NTRK3: variants seen among roughly 807,000 people sequenced by gnomAD.
The protein encoded by NTRK3 is neurotrophic receptor tyrosine kinase 3.
A neutral mutation model predicts 91.7 loss-of-function variants in NTRK3; 24 were observed. That is an observed-to-expected ratio of 0.26 (90% CI 0.19 to 0.37). The LOEUF (loss-of-function observed/expected upper bound fraction) is 0.37. Among genes scored for constraint, NTRK3 ranks in the 10% least tolerant of loss-of-function variants. NTRK3 has a pLI of 1.00. For missense variants in NTRK3, 880 were observed against 1,068.9 expected (o/e 0.82, Z 2.46); for synonymous variants, 483 against 404.0 (o/e 1.20, Z -2.34).
intron 5 of NTRK3, among the ~76,000 whole-genome samples, chr15:88,152,562 T>C (rs1187683261): frequency 6.6e-6 from 1 of 152,228 alleles, no homozygotes; most frequent in Non-Finnish European, 1.5e-5. Flanking sequence ...AATGACACTT[T>C]GATCTTAGGC....
exon 19 of NTRK3, chr15:87,877,108 T>C: frequency 6.2e-7 from 1 of 1,614,058 alleles, no homozygotes; most frequent in Non-Finnish European, 8.5e-7. Context: ...CCTTGGGTAA[T>C]GCACTCAATG....
At chr15:87,960,316 A>G (rs943725028) in intron 14 of NTRK3, among the ~76,000 whole-genome samples, 5 of 152,110 alleles carry the variant, frequency 3.3e-5, no homozygotes, top group Non-Finnish European at 5.9e-5. Context: ...ATCTTACATG[A>G]ATTAATAACT....
chr15:87,994,150 C>T (rs1053085406), intron 14 of NTRK3, among the ~76,000 whole-genome samples: 6 of 152,026 alleles, frequency 3.9e-5, no homozygotes, highest in African/African-American at 1.4e-4. Flanking sequence ...GAAAAATGGT[C>T]ACCAGGCAGA....
At chr15:88,130,022 A>T (rs1181841474) in intron 10 of NTRK3, among the ~76,000 whole-genome samples, 3 of 152,194 alleles carry the variant, frequency 2.0e-5, no homozygotes, top group Non-Finnish European at 2.9e-5. Context: ...CAAAGAGAAC[A>T]CTGCCATCTG....
At chr15:88,218,083 G>A (rs559209791) in intron 3 of NTRK3, among the ~76,000 whole-genome samples, 1 of 152,214 alleles carries the variant, frequency 6.6e-6, no homozygotes, top group South Asian at 2.1e-4. Context: ...CACTGTGGGG[G>A]CCCAGAACAT....
At chr15:88,124,056 C>T (rs1009790988) in intron 13 of NTRK3, among the ~76,000 whole-genome samples, 2 of 152,080 alleles carry the variant, frequency 1.3e-5, no homozygotes, top group African/African-American at 4.8e-5. Flanking sequence ...GGTTGGGGGG[C>T]TTAGAATTTT....
At chr15:88,007,691 C>T (rs1291860067) in intron 14 of NTRK3, among the ~76,000 whole-genome samples, 1 of 152,194 alleles carries the variant, frequency 6.6e-6, no homozygotes, top group African/African-American at 2.4e-5. Flanking sequence ...TGAAATTCTA[C>T]CACCAGAGAT....
In NTRK3 at chr15:87,864,276, C is replaced by G. The variant is rs1372260133; in HGVS notation, c.*12659G>C. ...TAACATGAGTCATTTTCTGTTGCCT[C>G]CACATCTGATAGAATTGGAGGAGCC... is the stretch of plus-strand genomic sequence containing the variant. On this transcript the variant is annotated 3_prime_UTR_variant, in exon 19 of 19. Transcript: ENST00000394480. 3 of 232,150 alleles carry G rather than the reference C, an allele frequency of 1.3e-5. No individual in the cohort carries two copies. The Admixed American group carries it at 1.7e-4, about 13-fold the overall frequency. 14.4% of individuals were successfully genotyped at this position (232,150 alleles called of 1,614,324 possible).
intron 14 of NTRK3, among the ~76,000 whole-genome samples, chr15:88,031,410 T>A (rs889737489): frequency 3.9e-5 from 6 of 152,278 alleles, no homozygotes; most frequent in African/African-American, 1.4e-4. Flanking sequence ...CCATAGAAGG[T>A]CCTTCCTCCC....
chr15:88,038,615 G>C (rs1567272455), intron 13 of NTRK3, among the ~76,000 whole-genome samples: 1 of 152,300 alleles, frequency 6.6e-6, no homozygotes, highest in South Asian at 2.1e-4. Context: ...GATCATGAGG[G>C]AGGCTGTGCA....
intron 5 of NTRK3, among the ~76,000 whole-genome samples, chr15:88,166,534 G>A (rs998369925): frequency 6.6e-6 from 1 of 152,236 alleles, no homozygotes; most frequent in African/African-American, 2.4e-5. Flanking sequence ...GAAAGGGAGG[G>A]CTCCCTGGGC....
chr15:87,985,613 C>T (rs902617919), intron 14 of NTRK3, among the ~76,000 whole-genome samples: 12 of 152,094 alleles, frequency 7.9e-5, no homozygotes, highest in Admixed American at 1.3e-4. Flanking sequence ...CCGCATGCCA[C>T]GGTTGCCAAG....
At chr15:88,199,170 T>C (rs2048079179) in intron 3 of NTRK3, among the ~76,000 whole-genome samples, 1 of 152,032 alleles carries the variant, frequency 6.6e-6, no homozygotes, top group South Asian at 2.1e-4. Flanking sequence ...TTGGGCATCA[T>C]CACTTGGGGG....
At chr15:87,872,253 C>T (rs904023158) in exon 19 of NTRK3, 15 of 219,398 alleles carry the variant, frequency 6.8e-5, no homozygotes, top group African/African-American at 3.4e-4. Flanking sequence ...TAAAAAGACC[C>T]TTAATCTCAA....
At chr15:88,063,386 A>G (rs1453565449) in intron 13 of NTRK3, among the ~76,000 whole-genome samples, 2 of 152,164 alleles carry the variant, frequency 1.3e-5, no homozygotes, top group Admixed American at 1.3e-4. Flanking sequence ...CAAATTTCCA[A>G]TCTGTCTGAA....
At chr15:88,203,589 T>C (rs996679350) in intron 3 of NTRK3, among the ~76,000 whole-genome samples, 4 of 152,198 alleles carry the variant, frequency 2.6e-5, no homozygotes, top group Non-Finnish European at 4.4e-5. Flanking sequence ...GGTATGGATA[T>C]ACAGTTAGAT....
At chr15:88,214,829 C>T (rs568457451) in intron 3 of NTRK3, among the ~76,000 whole-genome samples, 1 of 152,344 alleles carries the variant, frequency 6.6e-6, no homozygotes, top group South Asian at 2.1e-4. Flanking sequence ...CACACATCTG[C>T]CCCTCCACTA....
At chr15:88,173,455 C>T (rs1232698047) in intron 5 of NTRK3, among the ~76,000 whole-genome samples, 4 of 152,224 alleles carry the variant, frequency 2.6e-5, no homozygotes, top group Non-Finnish European at 5.9e-5. Context: ...GCCACTCCTG[C>T]ATCGACATAT....
intron 3 of NTRK3, among the ~76,000 whole-genome samples, chr15:88,220,664 A>T (rs976808034): frequency 6.6e-6 from 1 of 152,160 alleles, no homozygotes; most frequent in Non-Finnish European, 1.5e-5. Flanking sequence ...AGGAGCCCAC[A>T]CAGCTTTCAA....
Sources: gnomAD v4.1 joint callset for allele counts (sites outside exome capture counted in the v4.1 genomes callset) on GRCh38, gnomAD v4.1.1 for gene constraint, MANE v1.5 for transcripts, NCBI Gene and HGNC (gene_info 2026-07-23, HGNC 2026-07-21) for gene names.